Variants in GRID2IP observed in about 807,000 individuals in gnomAD.
GRID2IP encodes the protein delphilin.
Under a neutral mutation model 114.3 loss-of-function variants are expected in GRID2IP, and 78 were observed. The ratio of observed to expected loss-of-function variants is 0.68; its 90% CI spans 0.57 to 0.82. GRID2IP has a LOEUF of 0.82. Among genes scored for constraint, GRID2IP ranks in the 40% least tolerant of loss-of-function variants. The probability of loss-of-function intolerance (pLI) is 0.00; values close to 1 mark genes in which losing one functional copy is unlikely to be tolerated. For missense variants in GRID2IP, 1,727 were observed against 1,678.5 expected, an observed-to-expected ratio of 1.03 and a Z score of -0.51; for synonymous variants, 809 against 724.0, an observed-to-expected ratio of 1.12 and a Z score of -1.89.
chr7:6,505,664 C>T (rs1042376073), intron 14 of GRID2IP, among the ~76,000 whole-genome samples, 156 bp downstream of exon 14: 10 of 152,166 alleles, frequency 6.6e-5, no homozygotes, highest in East Asian at 3.9e-4. Context: ...CCACTGTGCC[C>T]GGCCTAAATG....
chr7:6,504,267 G>A (rs1392084922), intron 15 of GRID2IP, among the ~76,000 whole-genome samples: 1 of 150,990 alleles, frequency 6.6e-6, no homozygotes, highest in Non-Finnish European at 1.5e-5. Context: ...TGCTGGTTGA[G>A]TTCGAGCGGG....
rs556536694 is a variant in GRID2IP, at chr7:6,528,021, G to A, written c.585-1252C>T. 9.8e-4 allele frequency among the ~76,000 whole-genome samples: 149 copies of A among 152,142 alleles called. 1 individual carries two copies. Among genetic ancestry groups the A allele is most frequent in the African/African-American group, 3.4e-3 (141 of 41,514 alleles). On this transcript the variant is annotated intron_variant, in intron 2 of 21. Coordinates refer to ENST00000457091, the MANE Select transcript of GRID2IP (RefSeq NM_001145118.2). This position sits in a 1 kb window ranked among gnomAD's most constrained non-coding sequence, Gnocchi z 6.0. ...GATCTGCCCGCCTCGGCCTCCCAAA[G>A]TCCTGGGATTAGACGTGAGCCACTG...
Position 6,522,898 on chromosome 7 carries a change from C to T in GRID2IP, c.920-941G>A, listed in dbSNP as rs114414318. Among the ~76,000 whole-genome samples the T allele has an allele frequency of 5.4e-3, 829 of 152,130 alleles. 6 individuals are homozygous for T. Among genetic ancestry groups the T allele is most frequent in the African/African-American group, 0.017 (725 of 41,496 alleles). On this transcript the variant is annotated intron_variant, in intron 4 of 21. Transcript: ENST00000457091. ...CCCAGGCTAGTCTCGAACTCCTGCTCAAGTGATCCGCCCGCCTTGGCCTCC... is the reference window on the plus strand; with the variant it reads ...CCCAGGCTAGTCTCGAACTCCTGCTTAAGTGATCCGCCCGCCTTGGCCTCC...
chr7:6,500,410 G>A (rs1289959513), intron 20 of GRID2IP, among the ~76,000 whole-genome samples: 1 of 152,180 alleles, frequency 6.6e-6, no homozygotes, highest in Non-Finnish European at 1.5e-5. Context: ...GTTGCAGTGA[G>A]CCGAGATCGC....
chr7:6,544,543 G>A (rs1409450998), intron 1 of GRID2IP, among the ~76,000 whole-genome samples: 1 of 151,950 alleles, frequency 6.6e-6, no homozygotes, highest in Non-Finnish European at 1.5e-5. Context: ...GCCTCCCAAT[G>A]TGCTGGGTTT....
rs187978390 is a variant in GRID2IP at position 6,524,990 on chromosome 7, C to T, written c.919+1234G>A. 1.6e-3 allele frequency among the ~76,000 whole-genome samples: 239 copies of T among 151,970 alleles called. 1 individual carries two copies. The highest frequency in any genetic ancestry group is 2.8e-3 in the Non-Finnish European group (190 of 67,980). On this transcript the variant is annotated intron_variant, in intron 4 of 21. Coordinates refer to ENST00000457091, the MANE Select transcript of GRID2IP (RefSeq NM_001145118.2). ...GCCTTGGCCTCCTAAAATGCTGCCCCGGCCAACCTCATCTCTTAAAATAAA... is the reference window on the plus strand; with the variant it reads ...GCCTTGGCCTCCTAAAATGCTGCCCTGGCCAACCTCATCTCTTAAAATAAA...
Position 6,536,601 on chromosome 7 carries a change from C to T in GRID2IP, c.584+3117G>A. On this transcript the variant is annotated intron_variant, in intron 2 of 21. Transcript: ENST00000457091. This position sits in a 1 kb window ranked among gnomAD's most constrained non-coding sequence, Gnocchi z 5.3. ...GCCTCCAGCCGAGCCCGGCTGCCAG[C>T]AGCCGGGAGACGAGCGAGCCAACTT... is the stretch of plus-strand genomic sequence containing the variant. 6.6e-6 allele frequency among the ~76,000 whole-genome samples: 1 copy of T among 151,798 alleles called. No homozygotes were observed. Among genetic ancestry groups the T allele is most frequent in the Non-Finnish European group, 1.5e-5 (1 of 67,916 alleles).
intron 1 of GRID2IP, among the ~76,000 whole-genome samples, chr7:6,543,072 C>T (rs1779837300): frequency 6.6e-6 from 1 of 152,182 alleles, no homozygotes; most frequent in Non-Finnish European, 1.5e-5. Context: ...GCATCCTTCC[C>T]TTCCATCCTC....
In GRID2IP at chr7:6,551,275, C is replaced by A. The variant is rs1411942043; in HGVS notation, c.162G>T (p.Gly54=). Residue 54 remains glycine (G), a synonymous_variant, in exon 1 of 22, where the codon GGG becomes GGT. Transcript: ENST00000457091. ...CGCGGCTCAGACCGCCCACCGCCAG[C>A]CCCTCCACCTCCAGGATCTGGTCTC... ...RPGDQILEVE[G]LAVGGLSRER... The A allele has an allele frequency of 1.9e-6, 3 of 1,539,324 alleles. No homozygotes were observed. Among genetic ancestry groups the A allele is most frequent in the Middle Eastern group, 1.8e-4 (1 of 5,620 alleles).
rs1250178858 is a variant in GRID2IP at position 6,528,659 on chromosome 7, C to T, written c.585-1890G>A. On this transcript the variant is annotated intron_variant, in intron 2 of 21. Coordinates refer to ENST00000457091, the MANE Select transcript of GRID2IP (RefSeq NM_001145118.2). This position sits in a 1 kb window ranked among gnomAD's most constrained non-coding sequence, Gnocchi z 6.0. ...CCCTCTGAGGTGTCCCAGCGGCCCT[C>T]ACACTTCCCTCCACCTCTGTGGGTA... 1.3e-5 allele frequency among the ~76,000 whole-genome samples: 2 copies of T among 152,174 alleles called. No individual in the cohort carries two copies. Among genetic ancestry groups the T allele is most frequent in the Non-Finnish European group, 2.9e-5 (2 of 68,026 alleles).
chr7:6,517,861 C>T (rs534605024), intron 7 of GRID2IP, among the ~76,000 whole-genome samples: 1 of 151,958 alleles, frequency 6.6e-6, no homozygotes, highest in South Asian at 2.1e-4. Context: ...CAAGATCATG[C>T]CACTGAACTC....
chr7:6,508,082 C>G lies in GRID2IP; in HGVS notation c.2447G>C (p.Arg816Pro). Residue 816 changes from arginine to proline, a missense_variant, in exon 13 of 22, where the codon CGG becomes CCG. Coordinates refer to ENST00000457091, the MANE Select transcript of GRID2IP (RefSeq NM_001145118.2). The surrounding 1 kb of genome is among the most constrained non-coding windows in gnomAD (Gnocchi z 5.6). ...CTCACTGCGCCGGTGGCCCAGGCCC[C>G]GGGACAGCATGGGGGGTGCACAGGG... ...PVPCAPPMLS[R>P]GLGHRRSETS... is the part of the protein sequence containing the mutation. 7.9e-7 allele frequency: 1 copy of G among 1,264,122 alleles called. No individual in the cohort carries two copies. The highest frequency in any genetic ancestry group is 1.0e-6 in the Non-Finnish European group (1 of 974,902). The allele number at this position is 1,264,122 out of a possible 1,614,324, so 78.3% of individuals were successfully genotyped here. A position where few individuals can be genotyped will look rare whatever the true frequency, so the allele number is the denominator to read the frequency against.
intron 10 of GRID2IP, 21 bp downstream of exon 10, chr7:6,510,588 G>C: frequency 6.6e-7 from 1 of 1,505,546 alleles, no homozygotes. Flanking sequence ...GACCCCACGT[G>C]GAGGGCAGAG....
At chr7:6,531,070 A>C in intron 2 of GRID2IP, 1 of 632,872 alleles carries the variant, frequency 1.6e-6, no homozygotes, top group South Asian at 1.7e-5. Context: ...GAAGCTACCG[A>C]AAGTGCCGAG....
chr7:6,539,332 G>T (rs1779778130), intron 2 of GRID2IP, among the ~76,000 whole-genome samples: 1 of 152,092 alleles, frequency 6.6e-6, no homozygotes, highest in African/African-American at 2.4e-5. Context: ...TTTCTATGTT[G>T]CGTGGGCTGG....
At chr7:6,500,580 G>A (rs1338522761) in intron 20 of GRID2IP, among the ~76,000 whole-genome samples, 1 of 152,206 alleles carries the variant, frequency 6.6e-6, no homozygotes, top group Non-Finnish European at 1.5e-5. Flanking sequence ...GAGAGGAAAG[G>A]GCAGGGGTAG....
chr7:6,540,417 A>G (rs1042912592), intron 1 of GRID2IP, among the ~76,000 whole-genome samples: 2 of 151,864 alleles, frequency 1.3e-5, no homozygotes, highest in African/African-American at 4.8e-5. Flanking sequence ...CGGCCATATC[A>G]TGCCATTTCT....
intron 2 of GRID2IP, among the ~76,000 whole-genome samples, chr7:6,533,486 A>G (rs891348693): frequency 2.0e-5 from 3 of 151,936 alleles, no homozygotes; most frequent in Admixed American, 1.3e-4. Context: ...AGCCTCCCAA[A>G]TAGCTAGGAC....
intron 8 of GRID2IP, among the ~76,000 whole-genome samples, chr7:6,511,305 A>C (rs1163250128): frequency 6.6e-6 from 1 of 152,192 alleles, no homozygotes; most frequent in African/African-American, 2.4e-5. Context: ...AACAGCTTCC[A>C]GAGTCTCAAC....
Sources: allele counts gnomAD v4.1 joint callset (sites outside exome capture counted in the v4.1 genomes callset), GRCh38; gene constraint gnomAD v4.1.1; non-coding constraint Gnocchi (gnomAD v3.1); transcripts MANE v1.5; gene names NCBI Gene and HGNC (gene_info 2026-07-23, HGNC 2026-07-21).